The following SLTM variants were observed in gnomAD, a reference collection of about 807,000 sequenced individuals.
The protein encoded by SLTM is SAFB-like transcription modulator.
Under a neutral mutation model 134.6 loss-of-function variants are expected in SLTM, and 43 were observed. The observed-to-expected ratio is 0.32, with a 90% confidence interval of 0.25 to 0.41. SLTM has a LOEUF of 0.41. Among genes scored for constraint, SLTM ranks in the 10% least tolerant of loss-of-function variants. The pLI, the probability that SLTM is intolerant of heterozygous loss-of-function variation, is 1.00. For missense variants in SLTM, 1,055 were observed against 1,288.8 expected (o/e 0.82, Z 2.78); for synonymous variants, 424 against 432.3 (o/e 0.98, Z 0.24).
chr15:58,929,103 T>C lies in SLTM; in HGVS notation c.250+3253A>G, dbSNP rs555703388. On this transcript the variant is annotated intron_variant, in intron 2 of 20. Coordinates refer to ENST00000380516, the MANE Select transcript of SLTM (RefSeq NM_024755.4). Reference sequence around the variant, plus strand: ...ATAACCAAGATGAAATTATTTTCAATGTAGATACCAGTAAGTAAAACAAGA... The same window carrying C: ...ATAACCAAGATGAAATTATTTTCAACGTAGATACCAGTAAGTAAAACAAGA... Among the ~76,000 whole-genome samples the C allele has an allele frequency of 1.6e-4, 24 of 152,290 alleles. No individual in the cohort carries two copies. The South Asian group carries it at 2.5e-3, about 16-fold the overall frequency.
chr15:58,930,378 C>A (rs1326260444), intron 2 of SLTM, among the ~76,000 whole-genome samples: 3 of 151,162 alleles, frequency 2.0e-5, no homozygotes, highest in African/African-American at 7.3e-5. Flanking sequence ...GATCCACCCG[C>A]CTCAGCCTCT....
intron 20 of SLTM, among the ~76,000 whole-genome samples, chr15:58,883,307 T>TC (rs1304313405): frequency 2.0e-5 from 3 of 152,134 alleles, no homozygotes; most frequent in Admixed American, 6.5e-5. Flanking sequence ...AGAGTGAGAC[T>TC]CCATCTCAAA....
At position 58,892,832 on chromosome 15, in the gene SLTM, C is replaced by T; in HGVS notation, c.1898+65G>A. The stretch of plus-strand genomic sequence containing the variant: ...GGGAATACAATTTCCAGAAATATGG[C>T]TTACAACTAGTGTTAAATATTTACC... On this transcript the variant is annotated intron_variant, in intron 14 of 20. Transcript: ENST00000380516. The T allele has an allele frequency of 1.1e-5, 17 of 1,497,990 alleles. No homozygotes were observed. The South Asian group carries it at 2.1e-4, about 18-fold the overall frequency. The allele number at this position is 1,497,990 out of a possible 1,614,324, so 92.8% of individuals were successfully genotyped here.
intron 2 of SLTM, among the ~76,000 whole-genome samples, chr15:58,930,168 G>A (rs767810070): frequency 4.6e-5 from 7 of 151,696 alleles, no homozygotes; most frequent in Non-Finnish European, 1.0e-4. Flanking sequence ...GCAGTGGAGT[G>A]ACCTTAGCTC....
chr15:58,933,594 G>C lies in SLTM; in HGVS notation c.-29C>G. 1 of 1,551,370 alleles carries C rather than the reference G, an allele frequency of 6.4e-7. No homozygotes were observed. The highest frequency in any genetic ancestry group is 8.7e-7 in the Non-Finnish European group (1 of 1,150,878). On this transcript the variant is annotated 5_prime_UTR_variant, in exon 1 of 21. Coordinates refer to ENST00000380516, the MANE Select transcript of SLTM (RefSeq NM_024755.4). The stretch of plus-strand genomic sequence containing the variant: ...AGAAGAGCAGCGCGCTGCCGAGGCA[G>C]CGAGTGGGCTGCAGGGCGGCGGCAG...
intron 14 of SLTM, among the ~76,000 whole-genome samples, chr15:58,892,126 A>G (rs2034688375): frequency 6.6e-6 from 1 of 152,244 alleles, no homozygotes; most frequent in African/African-American, 2.4e-5. Context: ...TCGTCAATGA[A>G]TGGATGAAAT....
At chr15:58,930,146 T>C (rs988522143) in intron 2 of SLTM, among the ~76,000 whole-genome samples, 1 of 151,938 alleles carries the variant, frequency 6.6e-6, no homozygotes. Flanking sequence ...AGATGGGGTC[T>C]CATGCTGGAC....
Position 58,887,138 on chromosome 15 carries a change from A to G in SLTM, c.2691-19T>C. ...TTCAACTCTGTTAAACAAAACATAA[A>G]AACATACATGATCAAAACTGTAATC... On this transcript the variant is annotated intron_variant, in intron 18 of 20. Transcript: ENST00000380516. The G allele has an allele frequency of 1.4e-5, 22 of 1,613,848 alleles. No homozygotes were observed. The highest frequency in any genetic ancestry group is 1.9e-5 in the Non-Finnish European group (22 of 1,179,860).
chr15:58,917,479 T>C (rs996700279), intron 2 of SLTM, among the ~76,000 whole-genome samples: 3 of 152,242 alleles, frequency 2.0e-5, no homozygotes, highest in African/African-American at 4.8e-5. Flanking sequence ...AGGTGGTTGA[T>C]TACATATTGC....
intron 5 of SLTM, among the ~76,000 whole-genome samples, chr15:58,907,096 A>C (rs765044244): frequency 1.3e-5 from 2 of 152,208 alleles, no homozygotes; most frequent in Non-Finnish European, 2.9e-5. Flanking sequence ...AATGGATATA[A>C]AAAGCTCTCT....
intron 14 of SLTM, 138 bp downstream of exon 14, chr15:58,892,759 T>A: frequency 4.7e-6 from 4 of 844,826 alleles, no homozygotes; most frequent in Non-Finnish European, 7.5e-6. Flanking sequence ...ACTTAAGAAA[T>A]CATTAGATGC....
chr15:58,902,655 G>GGAGGATTTACAGGTGTGAT (rs2035568700), intron 5 of SLTM, among the ~76,000 whole-genome samples: 2 of 151,528 alleles, frequency 1.3e-5, no homozygotes, highest in Admixed American at 1.3e-4. Context: ...GCCTCCCAAA[G>GGAGGATTTACAGGTGTGAT]TTCTAGGATT....
At position 58,893,317 on chromosome 15, in the gene SLTM, C is replaced by T. The variant is rs756424767; in HGVS notation, c.1696G>A (p.Asp566Asn). 1 of 1,611,618 alleles carries T rather than the reference C, an allele frequency of 6.2e-7. No individual in the cohort carries two copies. The highest frequency in any genetic ancestry group is 8.5e-7 in the Non-Finnish European group (1 of 1,179,130). The change falls in exon 13 of 21, where the codon GAT (aspartate) becomes AAT (asparagine). Residue 566 changes from aspartate (D) to asparagine (N), a missense_variant. Asp to Asn is a conservative substitution (Grantham distance 23, BLOSUM62 1). Around this residue, in one of 3 missense-constraint regions of SLTM, gnomAD observed 776 missense variants for 962.2 expected, o/e 0.81. Coordinates refer to ENST00000380516, the MANE Select transcript of SLTM (RefSeq NM_024755.4). ...CCTCTTCTTGATGGTCTACAATGAT[C>T]TCCTTTAGTTTGGTCTAGTATTACC... ...HMVILDQTKG[D>N]HCRPSRRGRY...
At chr15:58,887,725 C>G in intron 17 of SLTM, 185 bp from the exon 18 acceptor site, 1 of 778,684 alleles carries the variant, frequency 1.3e-6, no homozygotes, top group Non-Finnish European at 1.6e-6. Flanking sequence ...AAGTGTCTAG[C>G]CTAAAGGTTG....
intron 9 of SLTM, among the ~76,000 whole-genome samples, chr15:58,896,510 C>T (rs1377608174): frequency 6.6e-6 from 1 of 151,830 alleles, no homozygotes; most frequent in Non-Finnish European, 1.5e-5. Flanking sequence ...GCAGTGAGCC[C>T]ACATCACGCT....
intron 2 of SLTM, among the ~76,000 whole-genome samples, chr15:58,929,455 A>C (rs2037716083): frequency 6.6e-6 from 1 of 152,234 alleles, no homozygotes; most frequent in Non-Finnish European, 1.5e-5. Flanking sequence ...TCTCAAAAAA[A>C]AGAAAAGAAA....
intron 2 of SLTM, among the ~76,000 whole-genome samples, chr15:58,919,846 A>C (rs1017528760): frequency 2.0e-5 from 3 of 152,198 alleles, no homozygotes; most frequent in Admixed American, 6.5e-5. Flanking sequence ...CCATTATCAC[A>C]ATTTTACAAA....
chr15:58,890,327 C>G lies in SLTM; in HGVS notation c.2033G>C (p.Arg678Thr). ...EIERQKLERE[R>T]MERERLERER... Reference sequence around the variant, plus strand: ...CCTTTCCAAGCGTTCGCGTTCCATTCTCTCTCTCTCTAGTTTTTGCCTTTC... The same window carrying G: ...CCTTTCCAAGCGTTCGCGTTCCATTGTCTCTCTCTCTAGTTTTTGCCTTTC... The change falls in exon 15 of 21, where the codon AGA becomes ACA. Residue 678 changes from arginine to threonine, a missense_variant. Transcript: ENST00000380516. The G allele has an allele frequency of 6.2e-7, 1 of 1,602,698 alleles. No homozygotes were observed. The highest frequency in any genetic ancestry group is 8.5e-7 in the Non-Finnish European group (1 of 1,172,036).
chr15:58,933,308 CGGCTGCGGGCAGCCGGA>C lies in SLTM; in HGVS notation c.162+79_162+95del, dbSNP rs1364441949. On this transcript the variant is annotated intron_variant, in intron 1 of 20. Transcript: ENST00000380516. ...TACCATGCCGTTCCGCAGGTCCCAG[CGGCTGCGGGCAGCCGGA>C]GGCTGCGGCGGAAGCGGGGCGCCGA... 1.8e-4 allele frequency: 242 copies of C among 1,376,240 alleles called. 2 individuals carry two copies. The East Asian group carries it at 2.6e-3, about 15-fold the overall frequency. The allele number at this position is 1,376,240 out of a possible 1,614,324, so 85.3% of individuals were successfully genotyped here. A position where few individuals can be genotyped will look rare whatever the true frequency, so the allele number is the denominator to read the frequency against.
Sources: gnomAD v4.1 joint callset for allele counts (sites outside exome capture counted in the v4.1 genomes callset) on GRCh38, gnomAD v4.1.1 for gene constraint, gnomAD v4.1.1 regional missense constraint, MANE v1.5 for transcripts, NCBI Gene and HGNC (gene_info 2026-07-23, HGNC 2026-07-21) for gene names.